Variants in SLC25A23 observed in about 807,000 individuals in gnomAD.
The protein encoded by SLC25A23 is solute carrier family 25 member 23.
In SLC25A23, 32 loss-of-function variants were observed where a neutral mutation model predicts 53.9. That is an observed-to-expected ratio of 0.59 (90% CI 0.45 to 0.80). The LOEUF (loss-of-function observed/expected upper bound fraction) is 0.80. SLC25A23 is among the 30% of genes least tolerant of loss of function. The probability of loss-of-function intolerance (pLI) is 0.00; values close to 1 mark genes in which losing one functional copy is unlikely to be tolerated. For synonymous variants in SLC25A23, 275 were observed against 264.5 expected, an observed-to-expected ratio of 1.04 and a Z score of -0.38; for missense variants, 575 against 651.4, an observed-to-expected ratio of 0.88 and a Z score of 1.28.
At chr19:6,444,356 CT>C in intron 8 of SLC25A23, 55 bp from the exon 9 acceptor site, 1 of 1,521,454 alleles carries the variant, frequency 6.6e-7, no homozygotes, top group Non-Finnish European at 8.9e-7. Flanking sequence ...AGGACCCTGG[CT>C]TCAAAGGCCT....
rs1373237051 is a variant in SLC25A23 at position 6,443,529 on chromosome 19, C to T, written c.1222+622G>A. On this transcript the variant is annotated intron_variant, in intron 9 of 9. Coordinates refer to ENST00000301454, the MANE Select transcript of SLC25A23 (RefSeq NM_024103.3). ...AGATGTGAGCCACTGTGCCCGGCCT[C>T]CTTCTCCCCTTTATACAACCCTAAA... 3 of 697,360 alleles carry T rather than the reference C, an allele frequency of 4.3e-6. No homozygotes were observed. In the East Asian group the frequency reaches 8.1e-5, roughly 19 times the overall value. 43.2% of individuals were successfully genotyped at this position (697,360 alleles called of 1,614,324 possible). A position where few individuals can be genotyped will look rare whatever the true frequency, so the allele number is the denominator to read the frequency against.
At position 6,454,295 on chromosome 19, in the gene SLC25A23, G is replaced by A. The variant is rs73920670; in HGVS notation, c.795+28C>T. On this transcript the variant is annotated intron_variant, in intron 6 of 9. Coordinates refer to ENST00000301454, the MANE Select transcript of SLC25A23 (RefSeq NM_024103.3). The surrounding 1 kb of genome is among the most constrained non-coding windows in gnomAD (Gnocchi z 4.3). ...TACAGCCCAGTCTTCCCTATGGCAA[G>A]CACATTCCTCCCTGTACCTGCCCTC... 2.0e-3 allele frequency: 3,261 copies of A among 1,603,130 alleles called. 68 individuals carry two copies. The African/African-American group carries it at 0.04, about 20-fold the overall frequency.
At chr19:6,443,288 T>C (rs1299763817) in intron 9 of SLC25A23, among the ~76,000 whole-genome samples, 2 of 152,032 alleles carry the variant, frequency 1.3e-5, no homozygotes, top group Admixed American at 1.3e-4. Flanking sequence ...CAGGCTGGAG[T>C]GTGGTGGCAT....
At chr19:6,457,649 A>G in intron 2 of SLC25A23, 59 bp from the exon 3 acceptor site, 4 of 1,450,408 alleles carry the variant, frequency 2.8e-6, no homozygotes, top group Middle Eastern at 3.5e-4. Context: ...GGGGAACCCC[A>G]GGACCAAGGA....
At chr19:6,443,467 A>T (rs1256101902) in intron 9 of SLC25A23, 3 of 602,538 alleles carry the variant, frequency 5.0e-6, no homozygotes, top group Non-Finnish European at 8.9e-6. Flanking sequence ...GACTCAAATG[A>T]TCCTTCCTCT....
rs758059613 is a variant in SLC25A23 at position 6,452,311 on chromosome 19, C to A, written c.1071+1G>T. 3.7e-6 allele frequency: 6 copies of A among 1,609,816 alleles called. No homozygotes were observed. Among genetic ancestry groups the A allele is most frequent in the Non-Finnish European group, 4.2e-6 (5 of 1,178,128 alleles). On this transcript the variant is annotated splice_donor_variant, in intron 8 of 9. Transcript: ENST00000301454. LOFTEE classifies it high-confidence loss of function. ...GAAAGAGGAACGCGCTGCCCACAGA[C>A]CTCGTAGACGGCCAGGTCGATGCCC...
Position 6,454,674 on chromosome 19 carries a change from G to A in SLC25A23, c.527C>T (p.Ser176Leu). ...GECLTVPDEF[S>L]KQEKLTGMWW... ...CATGCCCGTCAGCTTCTCTTGCTTT[G>A]AGAACTCGTCCGGCACTGTCAGGCA... Residue 176 changes from serine to leucine, a missense_variant, in exon 5 of 10, where the codon TCA (serine) becomes TTA (leucine). Ser to Leu is a moderately radical substitution (Grantham distance 145, BLOSUM62 -2). Coordinates refer to ENST00000301454, the MANE Select transcript of SLC25A23 (RefSeq NM_024103.3). This position sits in a 1 kb window ranked among gnomAD's most constrained non-coding sequence, Gnocchi z 4.3. 1 of 1,614,110 alleles carries A rather than the reference G, an allele frequency of 6.2e-7. No individual in the cohort carries two copies. The highest frequency in any genetic ancestry group is 1.3e-5 in the African/African-American group (1 of 75,074).
chr19:6,448,645 A>AT (rs771719815), intron 8 of SLC25A23, among the ~76,000 whole-genome samples: 29 of 150,610 alleles, frequency 1.9e-4, no homozygotes, highest in Admixed American at 1.3e-4. Context: ...TATTTTTTGT[A>AT]TTTTTAGTAG....
Position 6,454,300 on chromosome 19 carries a change from T to C in SLC25A23, c.795+23A>G. 6.2e-7 allele frequency: 1 copy of C among 1,605,846 alleles called. No homozygotes were observed. The highest frequency in any genetic ancestry group is 1.7e-4 in the Middle Eastern group (1 of 6,010). ...CCCAGTCTTCCCTATGGCAAGCACA[T>C]TCCTCCCTGTACCTGCCCTCACCTG... On this transcript the variant is annotated intron_variant, in intron 6 of 9. Transcript: ENST00000301454. The surrounding 1 kb of genome is among the most constrained non-coding windows in gnomAD (Gnocchi z 4.3).
At position 6,458,329 on chromosome 19, in the gene SLC25A23, CAG is replaced by C; in HGVS notation, c.157-7_157-6del. On this transcript the variant is annotated splice_polypyrimidine_tract_variant and splice_region_variant and intron_variant, in intron 1 of 9. Transcript: ENST00000301454. ...ATCACCCTCAGAGGAGATACCCTGA[CAG>C]AGGGAAAGGGGATAGAGGTGGCTCC... is the stretch of plus-strand genomic sequence containing the variant. 1 of 1,611,986 alleles carries C rather than the reference CAG, an allele frequency of 6.2e-7. No homozygotes were observed. The highest frequency in any genetic ancestry group is 8.5e-7 in the Non-Finnish European group (1 of 1,179,690).
rs749401695 is a variant in SLC25A23, at chr19:6,442,114, C to A, written c.1268G>T (p.Arg423Leu). Residue 423 changes from arginine to leucine, a missense_variant, in exon 10 of 10, where the codon CGT becomes CTT. Transcript: ENST00000301454. ...CATGCCCTCCTGGGACAGGATGTGA[C>A]GTAGCAGACCCAGCATGGACAGCTG... The part of the protein sequence containing the change: ...GPQLSMLGLL[R>L]HILSQEGMRG... The A allele has an allele frequency of 6.3e-7, 1 of 1,585,166 alleles. No homozygotes were observed. Among genetic ancestry groups the A allele is most frequent in the Non-Finnish European group, 8.6e-7 (1 of 1,164,878 alleles).
In SLC25A23 at chr19:6,459,529, A is replaced by C; in HGVS notation, c.100T>G (p.Leu34Val). Residue 34 changes from leucine to valine, a missense_variant, in exon 1 of 10, where the codon TTG (leucine) becomes GTG (valine). Coordinates refer to ENST00000301454, the MANE Select transcript of SLC25A23 (RefSeq NM_024103.3). This position sits in a 1 kb window ranked among gnomAD's most constrained non-coding sequence, Gnocchi z 4.6. Reference sequence around the variant, plus strand: ...CCCAGCCTGGCCAGCCCCTGGCGCAACTCGTGCACGTCCACGCGGCCATCC... The same window carrying C: ...CCCAGCCTGGCCAGCCCCTGGCGCACCTCGTGCACGTCCACGCGGCCATCC... ...NKDGRVDVHE[L>V]RQGLARLGGG... 6.3e-7 allele frequency: 1 copy of C among 1,597,812 alleles called. No individual in the cohort carries two copies. Among genetic ancestry groups the C allele is most frequent in the Non-Finnish European group, 8.5e-7 (1 of 1,176,632 alleles).
downstream of SLC25A23, among the ~76,000 whole-genome samples, chr19:6,437,371 A>C (rs913211279): frequency 2.6e-5 from 4 of 152,108 alleles, no homozygotes; most frequent in African/African-American, 9.7e-5. Flanking sequence ...TTTGTCCCCC[A>C]AAAAGATGTG....
chr19:6,458,344 T>G lies in SLC25A23; in HGVS notation c.157-20A>C. The G allele has an allele frequency of 1.2e-6, 2 of 1,609,188 alleles. No homozygotes were observed. Among genetic ancestry groups the G allele is most frequent in the Non-Finnish European group, 1.7e-6 (2 of 1,178,370 alleles). ...GATACCCTGACAGAGGGAAAGGGGA[T>G]AGAGGTGGCTCCAGGAACCTGCTCC... On this transcript the variant is annotated intron_variant, in intron 1 of 9. Transcript: ENST00000301454.
intron 8 of SLC25A23, among the ~76,000 whole-genome samples, chr19:6,451,341 A>G (rs2092587241): frequency 6.6e-6 from 1 of 152,152 alleles, no homozygotes; most frequent in Admixed American, 6.5e-5. Flanking sequence ...GTGAGCCGAG[A>G]TCGCGCCATT....
At chr19:6,440,061 A>G (rs2092396778), downstream of SLC25A23, 1 of 152,154 alleles carries the variant, frequency 6.6e-6, no homozygotes, top group South Asian at 2.1e-4. Context: ...AAAAACCACA[A>G]TAAAAGAGCT....
Position 6,454,530 on chromosome 19 carries a change from A to G in SLC25A23, c.642+29T>C. The G allele has an allele frequency of 1.9e-6, 3 of 1,612,794 alleles. No homozygotes were observed. The South Asian group carries it at 3.3e-5, about 18-fold the overall frequency. On this transcript the variant is annotated intron_variant, in intron 5 of 9. Transcript: ENST00000301454. This position sits in a 1 kb window ranked among gnomAD's most constrained non-coding sequence, Gnocchi z 4.3. ...CCCTCCCAGGTGTCAGGCCTGGGGG[A>G]GGGGGCAGGTCTCTCCAGAGCCCCT... is the stretch of plus-strand genomic sequence containing the variant.
downstream of SLC25A23, among the ~76,000 whole-genome samples, chr19:6,437,993 T>A (rs532677551): frequency 7.0e-6 from 1 of 143,620 alleles, no homozygotes; most frequent in Non-Finnish European, 1.5e-5. Context: ...GAGAATGGCA[T>A]GAACCCGGGA....
rs1219024471 is a variant in SLC25A23, at chr19:6,440,211, TC to T, written c.*1763del. On this transcript the variant is annotated 3_prime_UTR_variant, in exon 10 of 10. Transcript: ENST00000301454. ...CCAAATCCCAGTTCCCCTTTCCAAG[TC>T]CCTCCATGGGGTCTCCAGATGATCC... The T allele has an allele frequency of 6.6e-6, 1 of 152,378 alleles. No individual in the cohort carries two copies. Among genetic ancestry groups the T allele is most frequent in the Non-Finnish European group, 1.5e-5 (1 of 67,988 alleles). 9.4% of individuals were successfully genotyped at this position (152,378 alleles called of 1,614,324 possible).
Sources: gnomAD v4.1 joint callset for allele counts (sites outside exome capture counted in the v4.1 genomes callset) on GRCh38, gnomAD v4.1.1 for gene constraint, Gnocchi (gnomAD v3.1) non-coding constraint, MANE v1.5 for transcripts, NCBI Gene and HGNC (gene_info 2026-07-23, HGNC 2026-07-21) for gene names.